The following CXXC5 variants were observed in gnomAD, a reference collection of about 807,000 sequenced individuals.
CXXC5 encodes the protein CXXC finger protein 5.
CXXC5 carries 2 observed loss-of-function variants against 17.6 expected under a neutral mutation model. That is an observed-to-expected ratio of 0.11 (90% CI 0.05 to 0.36). CXXC5 has a LOEUF of 0.36. Among genes scored for constraint, CXXC5 ranks in the 10% least tolerant of loss-of-function variants. The pLI is 1.00. For missense variants in CXXC5, 343 were observed against 458.3 expected (o/e 0.75, Z 2.30); for synonymous variants, 171 against 193.0 (o/e 0.89, Z 0.94).
chr5:139,653,305 A>T (rs1755309484), intron 1 of CXXC5, among the ~76,000 whole-genome samples: 1 of 152,084 alleles, frequency 6.6e-6, no homozygotes, highest in Non-Finnish European at 1.5e-5. Flanking sequence ...GGTTTTCTGG[A>T]GGGAGGGGGT....
chr5:139,682,919 C>T lies in CXXC5; in HGVS notation c.*12C>T. On this transcript the variant is annotated 3_prime_UTR_variant, in exon 3 of 3. Coordinates refer to ENST00000302517, the MANE Select transcript of CXXC5 (RefSeq NM_016463.9). ...GGTGGTTTCAGTGACGGCGGCGGAA[C>T]CCAAAGCTGCCCTCTCCGTGCAATG... The T allele has an allele frequency of 6.3e-7, 1 of 1,581,570 alleles. No homozygotes were observed. The highest frequency in any genetic ancestry group is 8.6e-7 in the Non-Finnish European group (1 of 1,161,450).
rs1757194513 is a variant in CXXC5 at position 139,681,080 on chromosome 5, C to T, written c.557C>T (p.Ala186Val). ...GAGCATCTCCCGCTGATGAGCGAGG[C>T]GGGTGCTGGCCTGCCTGACATGGAG... The part of the protein sequence containing the change: ...VQEHLPLMSE[A>V]GAGLPDMEAV... The change falls in exon 2 of 3, where the codon GCG becomes GTG. Residue 186 changes from alanine to valine, a missense_variant. Ala to Val is a moderately conservative substitution (Grantham distance 64, BLOSUM62 0). Coordinates refer to ENST00000302517, the MANE Select transcript of CXXC5 (RefSeq NM_016463.9). 1.2e-6 allele frequency: 2 copies of T among 1,612,654 alleles called. No homozygotes were observed. The highest frequency in any genetic ancestry group is 1.7e-6 in the Non-Finnish European group (2 of 1,179,972).
intron 1 of CXXC5, among the ~76,000 whole-genome samples, chr5:139,677,157 A>G (rs1363198244): frequency 6.6e-6 from 1 of 151,786 alleles, no homozygotes; most frequent in East Asian, 1.9e-4. Flanking sequence ...CCTCAGGCGC[A>G]GTATTTCTTT....
At chr5:139,648,226 G>A (rs1485387483), upstream of CXXC5, 1 of 151,322 alleles carries the variant, frequency 6.6e-6, no homozygotes, top group Non-Finnish European at 1.5e-5. Context: ...GGGAGGCGGC[G>A]GGAGGAGGGA....
intron 1 of CXXC5, among the ~76,000 whole-genome samples, chr5:139,664,729 G>A (rs1231231736): frequency 6.6e-6 from 1 of 152,158 alleles, no homozygotes; most frequent in Non-Finnish European, 1.5e-5. Context: ...AGCTCCTGTA[G>A]CCCTGACACC....
Sources: gnomAD v4.1 joint callset for allele counts (sites outside exome capture counted in the v4.1 genomes callset) on GRCh38, gnomAD v4.1.1 for gene constraint, MANE v1.5 for transcripts, NCBI Gene and HGNC (gene_info 2026-07-23, HGNC 2026-07-21) for gene names.